WDR19: variants seen among roughly 807,000 people sequenced by gnomAD.
The protein encoded by WDR19 is WD repeat domain 19, also known as WD repeat-containing protein 19.
In WDR19, 121 loss-of-function variants were observed where a neutral mutation model predicts 180.0. The observed-to-expected ratio is 0.67, with a 90% CI of 0.58 to 0.78. The LOEUF is 0.78. WDR19 is among the 30% of genes least tolerant of loss of function. The pLI, the probability that WDR19 is intolerant of heterozygous loss-of-function variation, is 0.00. For missense variants in WDR19, 1,450 were observed against 1,640.7 expected (o/e 0.88, Z 2.01); for synonymous variants, 497 against 540.7 (o/e 0.92, Z 1.12).
chr4:39,252,709 G>C (rs1167089232), intron 24 of WDR19, among the ~76,000 whole-genome samples: 2 of 151,974 alleles, frequency 1.3e-5, no homozygotes, highest in African/African-American at 4.8e-5. Flanking sequence ...GAGCTGGTCA[G>C]GAACTGAAGA....
Position 39,188,706 on chromosome 4 carries a change from C to T in WDR19, c.165-950C>T, listed in dbSNP as rs146078039. Among the ~76,000 whole-genome samples the T allele has an allele frequency of 6.8e-3, 1,023 of 151,328 alleles. 9 individuals are homozygous for T. Among genetic ancestry groups the T allele is most frequent in the Non-Finnish European group, 0.012 (784 of 67,866 alleles). On this transcript the variant is annotated intron_variant, in intron 3 of 36. Transcript: ENST00000399820. ...TAGAATTCTATCTTTCCCTTTTTTA[C>T]AATCCTATATCTACCCAATCACTCA...
intron 30 of WDR19, among the ~76,000 whole-genome samples, chr4:39,268,956 G>T (rs1215906450): frequency 6.6e-6 from 1 of 152,166 alleles, no homozygotes; most frequent in Admixed American, 6.5e-5. Context: ...GGATGGAGAC[G>T]AGAGAAGGCA....
At chr4:39,235,703 C>T (rs1238643136) in intron 20 of WDR19, among the ~76,000 whole-genome samples, 1 of 151,858 alleles carries the variant, frequency 6.6e-6, no homozygotes, top group African/African-American at 2.4e-5. Flanking sequence ...ACACAACCAA[C>T]AGAATGGCAA....
chr4:39,214,397 AAAC>A (rs948882701), intron 9 of WDR19, among the ~76,000 whole-genome samples: 3 of 152,268 alleles, frequency 2.0e-5, no homozygotes, highest in African/African-American at 7.2e-5. Flanking sequence ...GTAAGCAAAC[AAAC>A]AACAACAACA....
chr4:39,223,258 T>C (rs556165277), intron 14 of WDR19, among the ~76,000 whole-genome samples: 1 of 152,342 alleles, frequency 6.6e-6, no homozygotes, highest in South Asian at 2.1e-4. Flanking sequence ...GTGAATTTTA[T>C]AGTGTGTAAA....
intron 28 of WDR19, among the ~76,000 whole-genome samples, chr4:39,264,952 C>G (rs1320893160): frequency 6.7e-6 from 1 of 149,806 alleles, no homozygotes; most frequent in African/African-American, 2.5e-5. Context: ...AAGTCTCACG[C>G]TGTCGCCCAG....
chr4:39,189,953 G>A (rs775821613), intron 4 of WDR19, among the ~76,000 whole-genome samples, 172 bp downstream of exon 4: 2 of 152,182 alleles, frequency 1.3e-5, no homozygotes, highest in African/African-American at 2.4e-5. Flanking sequence ...TGTTATAACT[G>A]TGAATTATAA....
intron 36 of WDR19, among the ~76,000 whole-genome samples, chr4:39,280,880 T>C (rs996038706): frequency 7.2e-5 from 11 of 152,298 alleles, no homozygotes; most frequent in African/African-American, 2.4e-4. Context: ...TTTAGGTCTT[T>C]GATCCACTTA....
intron 2 of WDR19, 39 bp downstream of exon 2, chr4:39,185,856 C>G: frequency 6.9e-7 from 1 of 1,459,440 alleles, no homozygotes; most frequent in Non-Finnish European, 9.3e-7. Flanking sequence ...TGGTTGCATG[C>G]CCATGTAATC....
chr4:39,284,502 CTTTT>C lies in WDR19; in HGVS notation c.*14-978_*14-975del, dbSNP rs34086720. Among the ~76,000 whole-genome samples the C allele has an allele frequency of 4.8e-5, 7 of 146,876 alleles. No individual in the cohort carries two copies. In the East Asian group the frequency reaches 1.4e-3, roughly 29 times the overall value. On this transcript the variant is annotated intron_variant, in intron 36 of 36. Coordinates refer to ENST00000399820, the MANE Select transcript of WDR19 (RefSeq NM_025132.4). ...TACAGGCATGTGCCACCATACCCAG[CTTTT>C]TTTTTTCTTTTTTTTAGACATGGGG...
intron 5 of WDR19, 99 bp from the exon 6 acceptor site, chr4:39,199,379 A>G (rs1727134739): frequency 1.2e-6 from 1 of 863,124 alleles, no homozygotes; most frequent in Non-Finnish European, 1.8e-6. Context: ...GAAATTCTAA[A>G]TTCTTGTCTG....
chr4:39,228,018 A>G (rs1048462733), intron 15 of WDR19, among the ~76,000 whole-genome samples, 192 bp from the exon 16 acceptor site: 2 of 152,132 alleles, frequency 1.3e-5, no homozygotes, highest in African/African-American at 2.4e-5. Flanking sequence ...CCAAATAACT[A>G]TAGTTTTTTC....
At chr4:39,269,103 G>A (rs1735091864) in intron 30 of WDR19, among the ~76,000 whole-genome samples, 1 of 152,072 alleles carries the variant, frequency 6.6e-6, no homozygotes, top group Non-Finnish European at 1.5e-5. Context: ...GTGCTGGCAA[G>A]GCTGCAGCAT....
At chr4:39,267,152 A>G (rs1256108577) in intron 29 of WDR19, among the ~76,000 whole-genome samples, 1 of 152,250 alleles carries the variant, frequency 6.6e-6, no homozygotes, top group Non-Finnish European at 1.5e-5. Context: ...GTGGCTTCCT[A>G]CAGAACGTCC....
intron 4 of WDR19, among the ~76,000 whole-genome samples, chr4:39,191,015 C>A (rs1396585189): frequency 6.6e-6 from 1 of 152,186 alleles, no homozygotes; most frequent in Non-Finnish European, 1.5e-5. Flanking sequence ...CTCTGTCTTC[C>A]CACAGTGTCT....
intron 24 of WDR19, among the ~76,000 whole-genome samples, chr4:39,252,532 T>TAAAAAATTTTTTAAAGAAGTGTA (rs1733345583): frequency 6.6e-6 from 1 of 151,392 alleles, no homozygotes; most frequent in Admixed American, 6.6e-5. Context: ...AAAAAAAAAT[T>TAAAAAATTTTTTAAAGAAGTGTA]AAAAAATTTT....
chr4:39,224,930 A>G lies in WDR19; in HGVS notation c.1526A>G (p.Asn509Ser). 1 of 1,577,734 alleles carries G rather than the reference A, an allele frequency of 6.3e-7. No homozygotes were observed. The highest frequency in any genetic ancestry group is 1.7e-4 in the Middle Eastern group (1 of 5,888). ...YFYIEDWQFV[N>S]DYRHPVSVKK... Reference sequence around the variant, plus strand: ...TACATTGAAGACTGGCAATTCGTTAATGATTATCGACATCCTGTCAGTGTG... The same window carrying G: ...TACATTGAAGACTGGCAATTCGTTAGTGATTATCGACATCCTGTCAGTGTG... The change falls in exon 15 of 37, where the codon AAT becomes AGT. Residue 509 changes from asparagine to serine, a missense_variant. Transcript: ENST00000399820.
intron 18 of WDR19, 75 bp from the exon 19 acceptor site, chr4:39,232,087 G>A: frequency 6.6e-7 from 1 of 1,514,720 alleles, no homozygotes; most frequent in Non-Finnish European, 9.0e-7. Flanking sequence ...ACTTCCTACT[G>A]ATCAAAGTCC....
chr4:39,189,756 AC>A lies in WDR19; in HGVS notation c.267del (p.Ser90AlafsTer3). On this transcript the variant is annotated frameshift_variant, in exon 4 of 37. Coordinates refer to ENST00000399820, the MANE Select transcript of WDR19 (RefSeq NM_025132.4). LOFTEE classifies it high-confidence loss of function. ...TCTTTGGGATGCCAACACAAATAAG[AC>A]CAGCCAGTTAGACAATGGCATGAGG... Reference protein sequence around the residue: ...IYLWDANTNKTSQLDNGMRDQ... With the variant: ...IYLWDANTNKXSQLDNGMRDQ... 1 of 1,610,186 alleles carries A rather than the reference AC, an allele frequency of 6.2e-7. No individual in the cohort carries two copies. Among genetic ancestry groups the A allele is most frequent in the Admixed American group, 1.7e-5 (1 of 59,266 alleles).
Sources: allele counts gnomAD v4.1 joint callset (sites outside exome capture counted in the v4.1 genomes callset), GRCh38; gene constraint gnomAD v4.1.1; transcripts MANE v1.5; gene names NCBI Gene and HGNC (gene_info 2026-07-23, HGNC 2026-07-21).